TSPAN5: variants seen among roughly 807,000 people sequenced by gnomAD.
TSPAN5 encodes the protein tetraspanin-5.
Under a neutral mutation model 37.1 loss-of-function variants are expected in TSPAN5, and 10 were observed. The observed-to-expected ratio is 0.27, with a 90% confidence interval of 0.17 to 0.46. The LOEUF is 0.46. Ranked by LOEUF, TSPAN5 falls within the 20% of genes least tolerant of loss-of-function variation. TSPAN5 has a pLI of 1.00. For missense variants in TSPAN5, 195 were observed against 326.6 expected, an observed-to-expected ratio of 0.60 and a Z score of 3.11; for synonymous variants, 110 against 118.9, an observed-to-expected ratio of 0.93 and a Z score of 0.48.
intron 1 of TSPAN5, among the ~76,000 whole-genome samples, chr4:98,549,153 T>C (rs1257473994): frequency 1.3e-5 from 2 of 152,236 alleles, no homozygotes; most frequent in Non-Finnish European, 1.5e-5. Flanking sequence ...TACTAACGTA[T>C]ATTCCCACCA....
At chr4:98,652,020 T>C (rs1334120868) in intron 1 of TSPAN5, among the ~76,000 whole-genome samples, 1 of 150,886 alleles carries the variant, frequency 6.6e-6, no homozygotes, top group African/African-American at 2.4e-5. Context: ...CCAGCTAATT[T>C]TTAATTTTTA....
At chr4:98,565,645 A>T (rs1353391163) in intron 1 of TSPAN5, among the ~76,000 whole-genome samples, 2 of 152,210 alleles carry the variant, frequency 1.3e-5, no homozygotes. Context: ...TGCTTAAAGT[A>T]GGAGTTATAT....
chr4:98,521,952 T>C (rs1309770379), intron 1 of TSPAN5, among the ~76,000 whole-genome samples: 1 of 152,234 alleles, frequency 6.6e-6, no homozygotes, highest in Non-Finnish European at 1.5e-5. Flanking sequence ...ATGTCTGTGC[T>C]ACAGTCAATA....
chr4:98,568,111 T>C (rs1336289185), intron 1 of TSPAN5, among the ~76,000 whole-genome samples: 1 of 152,182 alleles, frequency 6.6e-6, no homozygotes. Flanking sequence ...CACTTGTCAC[T>C]GTATTTGGCC....
intron 1 of TSPAN5, among the ~76,000 whole-genome samples, chr4:98,616,090 T>C (rs1351080545): frequency 5.3e-5 from 8 of 152,000 alleles, no homozygotes; most frequent in Non-Finnish European, 1.2e-4. Context: ...TACAAGGCCC[T>C]TCCTTCTGCT....
At chr4:98,550,871 T>C (rs774355046) in intron 1 of TSPAN5, among the ~76,000 whole-genome samples, 1 of 152,186 alleles carries the variant, frequency 6.6e-6, no homozygotes, top group Non-Finnish European at 1.5e-5. Flanking sequence ...TCTTTTATTA[T>C]TCTCTCTTGC....
chr4:98,604,232 C>T (rs1014780727), intron 1 of TSPAN5, among the ~76,000 whole-genome samples: 3 of 152,174 alleles, frequency 2.0e-5, no homozygotes, highest in Admixed American at 2.0e-4. Context: ...TAACTTTCCC[C>T]ATCACCAATC....
chr4:98,501,338 T>A (rs1185456670), intron 2 of TSPAN5, among the ~76,000 whole-genome samples: 1 of 152,252 alleles, frequency 6.6e-6, no homozygotes, highest in African/African-American at 2.4e-5. Flanking sequence ...TATAACTCCA[T>A]GACATAGCCA....
chr4:98,556,832 A>G (rs1358112833), intron 1 of TSPAN5, among the ~76,000 whole-genome samples: 1 of 152,182 alleles, frequency 6.6e-6, no homozygotes, highest in Non-Finnish European at 1.5e-5. Context: ...AATTATTATC[A>G]TTCTTTGCCA....
chr4:98,602,702 A>G (rs1220423762), intron 1 of TSPAN5, among the ~76,000 whole-genome samples: 1 of 152,244 alleles, frequency 6.6e-6, no homozygotes, highest in Admixed American at 6.5e-5. Flanking sequence ...GCCCTGCGAC[A>G]GAATTGCTCA....
At chr4:98,498,310 AC>A (rs1753262259) in intron 2 of TSPAN5, among the ~76,000 whole-genome samples, 1 of 152,154 alleles carries the variant, frequency 6.6e-6, no homozygotes, top group South Asian at 2.1e-4. Flanking sequence ...CAGGGTTCAC[AC>A]CACTCCCTGT....
intron 1 of TSPAN5, among the ~76,000 whole-genome samples, chr4:98,600,292 A>T (rs912457498): frequency 2.6e-5 from 4 of 152,148 alleles, no homozygotes; most frequent in African/African-American, 9.7e-5. Flanking sequence ...TGGCTGTGGC[A>T]ATTTCTTAAA....
chr4:98,532,541 G>A (rs1016035959), intron 1 of TSPAN5, among the ~76,000 whole-genome samples: 2 of 152,188 alleles, frequency 1.3e-5, no homozygotes, highest in Non-Finnish European at 2.9e-5. Context: ...CATTGATTTT[G>A]TATTCTGAGA....
chr4:98,508,810 C>T (rs1450205056), intron 1 of TSPAN5, among the ~76,000 whole-genome samples: 1 of 152,068 alleles, frequency 6.6e-6, no homozygotes, highest in Non-Finnish European at 1.5e-5. Flanking sequence ...TAGGTGTGAG[C>T]CACCACTCCC....
rs1427794699 is a variant in TSPAN5 at position 98,595,401 on chromosome 4, G to A, written c.81+62745C>T. 6.2e-5 allele frequency among the ~76,000 whole-genome samples: 7 copies of A among 113,166 alleles called. No homozygotes were observed. In the East Asian group the frequency reaches 1.9e-3, roughly 30 times the overall value. The allele number at this position is 113,166 out of a possible 152,430, so 74.2% of individuals were successfully genotyped here. On this transcript the variant is annotated intron_variant, in intron 1 of 7. Coordinates refer to ENST00000305798, the MANE Select transcript of TSPAN5 (RefSeq NM_005723.4). ...CAAAAAACCAGCTCCTGGATTCATT[G>A]ATTTTTTGAAGGGTTTTTTGTGTCT... is the stretch of plus-strand genomic sequence containing the variant.
chr4:98,544,268 C>T (rs539181318), intron 1 of TSPAN5, among the ~76,000 whole-genome samples: 55 of 152,320 alleles, frequency 3.6e-4, no homozygotes, highest in African/African-American at 1.2e-3. Flanking sequence ...ACATGGCAGA[C>T]GTAAGCTCTG....
At chr4:98,498,188 G>C (rs995356634) in intron 2 of TSPAN5, among the ~76,000 whole-genome samples, 34 of 152,100 alleles carry the variant, frequency 2.2e-4, no homozygotes, top group Admixed American at 2.2e-3. Flanking sequence ...AGCCAGGCAG[G>C]CACTCTTACC....
intron 2 of TSPAN5, among the ~76,000 whole-genome samples, chr4:98,502,089 T>A (rs1753365742): frequency 6.6e-6 from 1 of 152,190 alleles, no homozygotes; most frequent in African/African-American, 2.4e-5. Context: ...AAGCAGAGTG[T>A]CAGGAATGAG....
At chr4:98,600,009 C>T (rs1471609679) in intron 1 of TSPAN5, among the ~76,000 whole-genome samples, 1 of 152,026 alleles carries the variant, frequency 6.6e-6, no homozygotes, top group Non-Finnish European at 1.5e-5. Flanking sequence ...CATTCTAGAC[C>T]ACAGTACTAA....
Sources: gnomAD v4.1 joint callset for allele counts (sites outside exome capture counted in the v4.1 genomes callset) on GRCh38, gnomAD v4.1.1 for gene constraint, MANE v1.5 for transcripts, NCBI Gene and HGNC (gene_info 2026-07-23, HGNC 2026-07-21) for gene names.